The following PITPNM3 variants were observed in gnomAD, a reference collection of about 807,000 sequenced individuals.
PITPNM3 encodes membrane-associated phosphatidylinositol transfer protein 3.
A neutral mutation model predicts 102.0 loss-of-function variants in PITPNM3; 26 were observed. The ratio of observed to expected loss-of-function variants is 0.25; its 90% CI spans 0.19 to 0.35. The LOEUF (loss-of-function observed/expected upper bound fraction) is 0.35, where lower values mean the gene tolerates loss of function less well. Ranked by LOEUF, PITPNM3 falls within the 10% of genes least tolerant of loss-of-function variation. The probability of loss-of-function intolerance (pLI) is 1.00; values close to 1 mark genes in which losing one functional copy is unlikely to be tolerated. For missense variants in PITPNM3, 1,083 were observed against 1,346.1 expected, an observed-to-expected ratio of 0.80 and a Z score of 3.06; for synonymous variants, 578 against 558.6, an observed-to-expected ratio of 1.03 and a Z score of -0.49.
In PITPNM3 at chr17:6,482,040, G is replaced by GTCTCTCTCTCTC. The variant is rs56855120; in HGVS notation, c.587+1465_587+1476dup. ...TCTCTCTCTCTCTCTCTCTCTGTCT[G>GTCTCTCTCTCTC]TCTCTCTCTCTCTCTCTCTCTCTCT... is the stretch of plus-strand genomic sequence containing the variant. On this transcript the variant is annotated intron_variant, in intron 6 of 19. Coordinates refer to ENST00000262483, the MANE Select transcript of PITPNM3 (RefSeq NM_031220.4). 1.6e-4 allele frequency among the ~76,000 whole-genome samples: 9 copies of GTCTCTCTCTCTC among 55,188 alleles called. 1 individual carries two copies. Among genetic ancestry groups the GTCTCTCTCTCTC allele is most frequent in the East Asian group, 3.7e-4 (1 of 2,694 alleles). The allele number at this position is 55,188 out of a possible 152,430, so 36.2% of individuals were successfully genotyped here. A position where few individuals can be genotyped will look rare whatever the true frequency, so the allele number is the denominator to read the frequency against.
intron 3 of PITPNM3, among the ~76,000 whole-genome samples, chr17:6,519,220 C>T (rs1280951268): frequency 1.2e-3 from 66 of 57,194 alleles, no homozygotes; most frequent in South Asian, 1.5e-3. Context: ...GCCTGTAGTC[C>T]CAGCTACTCG....
At chr17:6,547,095 C>T (rs980503384) in intron 1 of PITPNM3, among the ~76,000 whole-genome samples, 4 of 152,060 alleles carry the variant, frequency 2.6e-5, no homozygotes, top group Admixed American at 2.6e-4. Context: ...TTCACGATAG[C>T]CCAGGGAGGT....
At chr17:6,493,247 C>T (rs1037809281) in intron 4 of PITPNM3, among the ~76,000 whole-genome samples, 6 of 152,204 alleles carry the variant, frequency 3.9e-5, no homozygotes, top group African/African-American at 1.4e-4. Flanking sequence ...GACATCCCTG[C>T]CCTGCCCCTG....
chr17:6,485,060 G>A lies in PITPNM3; in HGVS notation c.275-768C>T, dbSNP rs185935843. Reference sequence around the variant, plus strand: ...CACCACAGGCTTTCCTGGGCCTCCCGACTTCCAGACAGCAGGTCAGGGAAC... The same window carrying A: ...CACCACAGGCTTTCCTGGGCCTCCCAACTTCCAGACAGCAGGTCAGGGAAC... On this transcript the variant is annotated intron_variant, in intron 4 of 19. Transcript: ENST00000262483. Among the ~76,000 whole-genome samples, 64 of 152,050 alleles carry A rather than the reference G, an allele frequency of 4.2e-4. 2 individuals are homozygous for A. Among genetic ancestry groups the A allele is most frequent in the African/African-American group, 7.2e-5 (3 of 41,456 alleles).
chr17:6,538,226 G>C (rs1909551203), intron 1 of PITPNM3, 144 bp from the exon 2 acceptor site: 1 of 694,398 alleles, frequency 1.4e-6, no homozygotes, highest in Admixed American at 2.1e-5. Flanking sequence ...ACCTCACAGA[G>C]CCCTCCCTCT....
In PITPNM3 at chr17:6,472,604, G is replaced by A; in HGVS notation, c.1429+53C>T. On this transcript the variant is annotated intron_variant, in intron 11 of 19. Coordinates refer to ENST00000262483, the MANE Select transcript of PITPNM3 (RefSeq NM_031220.4). This position sits in a 1 kb window ranked among gnomAD's most constrained non-coding sequence, Gnocchi z 4.1. The stretch of plus-strand genomic sequence containing the variant: ...CTGAGAGCTTGGAGGGGTTGAATGG[G>A]CTGGGGCCCCACCTCCAGCTCAGCA... The A allele has an allele frequency of 1.3e-6, 2 of 1,578,844 alleles. No homozygotes were observed. Among genetic ancestry groups the A allele is most frequent in the East Asian group, 4.7e-5 (2 of 42,840 alleles).
rs1361093598 is a variant in PITPNM3 at position 6,469,452 on chromosome 17, C to T, written c.1773+808G>A. On this transcript the variant is annotated intron_variant, in intron 13 of 19. Transcript: ENST00000262483. The surrounding 1 kb of genome is among the most constrained non-coding windows in gnomAD (Gnocchi z 4.0). The stretch of plus-strand genomic sequence containing the variant: ...TACAAACAAAACTCACTTTCCTCCG[C>T]CCCCTGCCCAGCCCTGCTCTTCCGC... Among the ~76,000 whole-genome samples the T allele has an allele frequency of 6.6e-6, 1 of 152,088 alleles. No individual in the cohort carries two copies. The highest frequency in any genetic ancestry group is 1.5e-5 in the Non-Finnish European group (1 of 68,008).
At chr17:6,552,933 A>G (rs1260977896) in intron 1 of PITPNM3, among the ~76,000 whole-genome samples, 1 of 151,574 alleles carries the variant, frequency 6.6e-6, no homozygotes, top group Non-Finnish European at 1.5e-5. Context: ...CGCCTGGCTA[A>G]TTTTGTTTTT....
In PITPNM3 at chr17:6,556,368, C is replaced by T. The variant is rs1282508795; in HGVS notation, c.22+17G>A. On this transcript the variant is annotated intron_variant, in intron 1 of 19. Coordinates refer to ENST00000262483, the MANE Select transcript of PITPNM3 (RefSeq NM_031220.4). This position sits in a 1 kb window ranked among gnomAD's most constrained non-coding sequence, Gnocchi z 5.2. ...TCCCCCGGGCCCCGGCCCTGCCCTCCCCGCGCCCGCCCTCACCTGCACGGC... is the reference window on the plus strand; with the variant it reads ...TCCCCCGGGCCCCGGCCCTGCCCTCTCCGCGCCCGCCCTCACCTGCACGGC... The T allele has an allele frequency of 1.1e-4, 157 of 1,398,668 alleles. No homozygotes were observed. The highest frequency in any genetic ancestry group is 1.4e-4 in the Non-Finnish European group (152 of 1,074,190). 86.6% of individuals were successfully genotyped at this position (1,398,668 alleles called of 1,614,324 possible).
intron 9 of PITPNM3, 105 bp downstream of exon 9, chr17:6,476,924 T>A: frequency 7.2e-7 from 1 of 1,394,470 alleles, no homozygotes. Flanking sequence ...ATTTCAGTGC[T>A]TATCTATGGG....
At chr17:6,541,056 A>C (rs1909706191) in intron 1 of PITPNM3, among the ~76,000 whole-genome samples, 1 of 152,192 alleles carries the variant, frequency 6.6e-6, no homozygotes. Context: ...GGGTGCAGGG[A>C]ACCTCAGTTA....
At chr17:6,535,068 G>C (rs1290478996) in intron 2 of PITPNM3, among the ~76,000 whole-genome samples, 1 of 152,142 alleles carries the variant, frequency 6.6e-6, no homozygotes, top group Non-Finnish European at 1.5e-5. Flanking sequence ...GGGAGCTCTG[G>C]AGGCTCTGGT....
chr17:6,467,639 G>A (rs1401676309), intron 14 of PITPNM3, among the ~76,000 whole-genome samples: 1 of 152,148 alleles, frequency 6.6e-6, no homozygotes, highest in Non-Finnish European at 1.5e-5. Context: ...CCATAGCAAT[G>A]GTTGTGTCTG....
Position 6,457,666 on chromosome 17 carries a change from G to C in PITPNM3, c.2547C>G (p.Ser849Arg). ...YGSTKDISVYSVLGLPASQIF... is the reference protein window; with the variant it reads ...YGSTKDISVYRVLGLPASQIF... ...TCTGGGAGGCAGGCAGGCCCAGCAC[G>C]CTGTAGACAGAGATGTCCTTCGTGG... The change falls in exon 19 of 20, where the codon AGC (serine) becomes AGG (arginine). Residue 849 changes from serine to arginine, a missense_variant. Transcript: ENST00000262483. The surrounding 1 kb of genome is among the most constrained non-coding windows in gnomAD (Gnocchi z 4.7). 6.2e-7 allele frequency: 1 copy of C among 1,605,626 alleles called. No homozygotes were observed. Among genetic ancestry groups the C allele is most frequent in the Non-Finnish European group, 8.5e-7 (1 of 1,175,940 alleles).
chr17:6,471,440 G>A (rs1597368027), intron 11 of PITPNM3, 85 bp from the exon 12 acceptor site: 2 of 1,320,636 alleles, frequency 1.5e-6, no homozygotes, highest in East Asian at 2.5e-5. Context: ...CTGGGAGGGA[G>A]GCTGGGCACT....
chr17:6,503,047 A>T (rs1224626939), intron 4 of PITPNM3, among the ~76,000 whole-genome samples: 1 of 152,152 alleles, frequency 6.6e-6, no homozygotes, highest in East Asian at 1.9e-4. Context: ...CCCCGGGCAC[A>T]TCCAGGAATG....
At chr17:6,539,894 T>C (rs1053874148) in intron 1 of PITPNM3, among the ~76,000 whole-genome samples, 2 of 152,198 alleles carry the variant, frequency 1.3e-5, no homozygotes, top group East Asian at 1.9e-4. Flanking sequence ...GAGTTTTAGA[T>C]AGTAAGAAGC....
chr17:6,455,245 A>G lies in PITPNM3; in HGVS notation c.*93T>C. The G allele has an allele frequency of 1.4e-6, 2 of 1,427,670 alleles. No homozygotes were observed. The highest frequency in any genetic ancestry group is 1.9e-6 in the Non-Finnish European group (2 of 1,072,230). The allele number at this position is 1,427,670 out of a possible 1,614,324, so 88.4% of individuals were successfully genotyped here. A position where few individuals can be genotyped will look rare whatever the true frequency, so the allele number is the denominator to read the frequency against. On this transcript the variant is annotated 3_prime_UTR_variant, in exon 20 of 20. Transcript: ENST00000262483. ...CAGACACGGGAGGGAAAAAGCAGGA[A>G]AACGCCTGTGTCGGGGAGAGGGCAG...
intron 4 of PITPNM3, among the ~76,000 whole-genome samples, chr17:6,501,400 G>A (rs111509400): frequency 2.4e-4 from 36 of 152,270 alleles, no homozygotes; most frequent in African/African-American, 8.2e-4. Context: ...ACCTTTCATA[G>A]GCAAATGAAC....
Sources: allele counts gnomAD v4.1 joint callset (sites outside exome capture counted in the v4.1 genomes callset), GRCh38; gene constraint gnomAD v4.1.1; non-coding constraint Gnocchi (gnomAD v3.1); transcripts MANE v1.5; gene names NCBI Gene and HGNC (gene_info 2026-07-23, HGNC 2026-07-21).